TMEFF2: variants seen among roughly 807,000 people sequenced by gnomAD.
TMEFF2 encodes transmembrane protein with EGF like and two follistatin like domains 2.
TMEFF2 carries 28 observed loss-of-function variants against 53.8 expected under a neutral mutation model. That is an observed-to-expected ratio of 0.52 (90% CI 0.39 to 0.71). The LOEUF is 0.71. Ranked by LOEUF, TMEFF2 falls within the 30% of genes least tolerant of loss-of-function variation. The pLI, the probability that TMEFF2 is intolerant of heterozygous loss-of-function variation, is 0.00. For missense variants in TMEFF2, 353 were observed against 455.2 expected (o/e 0.78, Z 2.04); for synonymous variants, 162 against 166.3 (o/e 0.97, Z 0.20).
In TMEFF2 at chr2:192,180,025, T is replaced by C. The variant is rs78943117; in HGVS notation, c.413-331A>G. On this transcript the variant is annotated intron_variant, in intron 3 of 9. Coordinates refer to ENST00000272771, the MANE Select transcript of TMEFF2 (RefSeq NM_016192.4). ...GCAAAATAAAGTATTAAAAATGAGATGCTTGTAACAATCAGTAAGTTTCAG... is the reference window on the plus strand; with the variant it reads ...GCAAAATAAAGTATTAAAAATGAGACGCTTGTAACAATCAGTAAGTTTCAG... 9.6e-4 allele frequency among the ~76,000 whole-genome samples: 145 copies of C among 151,694 alleles called. 3 individuals carry two copies. In the East Asian group the frequency reaches 0.025, roughly 26 times the overall value.
At chr2:192,179,434 A>AAACAAATG (rs1691131633) in intron 4 of TMEFF2, 1 of 404,614 alleles carries the variant, frequency 2.5e-6, no homozygotes, top group Non-Finnish European at 4.5e-6. Context: ...ACAAACAAAC[A>AAACAAATG]AACAAATGAA....
intron 5 of TMEFF2, chr2:192,028,057 T>TGGG (rs56753899): frequency 1.8e-5 from 2 of 114,004 alleles, no homozygotes; most frequent in African/African-American, 6.1e-5. Context: ...GATTGAATTA[T>TGGG]GGGGGGGGGG....
Position 192,143,303 on chromosome 2 carries a change from A to G in TMEFF2, c.439+36365T>C, listed in dbSNP as rs16834241. ...GGCATTTGAAAGCTGCTCAAATTCT[A>G]CCCTGAAAGAGTGGTCTACTGCTCA... On this transcript the variant is annotated intron_variant, in intron 4 of 9. Coordinates refer to ENST00000272771, the MANE Select transcript of TMEFF2 (RefSeq NM_016192.4). Among the ~76,000 whole-genome samples, 1,148 of 152,274 alleles carry G rather than the reference A, an allele frequency of 7.5e-3. 10 individuals carry two copies. The highest frequency in any genetic ancestry group is 0.026 in the African/African-American group (1,095 of 41,556).
chr2:192,133,611 C>G (rs1689916750), intron 4 of TMEFF2, among the ~76,000 whole-genome samples: 1 of 152,162 alleles, frequency 6.6e-6, no homozygotes, highest in African/African-American at 2.4e-5. Flanking sequence ...AACCCATATA[C>G]TCTCCTATTC....
At chr2:192,156,507 C>G (rs995247359) in intron 4 of TMEFF2, among the ~76,000 whole-genome samples, 1 of 151,958 alleles carries the variant, frequency 6.6e-6, no homozygotes, top group Non-Finnish European at 1.5e-5. Context: ...ACAACAACCA[C>G]TCCACAATGC....
intron 2 of TMEFF2, among the ~76,000 whole-genome samples, chr2:192,186,549 A>G (rs1338375912): frequency 6.6e-6 from 1 of 152,144 alleles, no homozygotes; most frequent in Non-Finnish European, 1.5e-5. Flanking sequence ...GAGGAGAGAC[A>G]AGAAAGAAGG....
intron 2 of TMEFF2, among the ~76,000 whole-genome samples, chr2:192,191,367 T>G (rs966367364): frequency 1.3e-5 from 2 of 152,126 alleles, no homozygotes; most frequent in East Asian, 3.8e-4. Context: ...TGATATACAC[T>G]AATTAATAAG....
chr2:192,152,014 G>A (rs1690399899), intron 4 of TMEFF2, among the ~76,000 whole-genome samples: 1 of 151,852 alleles, frequency 6.6e-6, no homozygotes, highest in Non-Finnish European at 1.5e-5. Flanking sequence ...AGTATTCAGG[G>A]AGGAAGAGGG....
intron 4 of TMEFF2, among the ~76,000 whole-genome samples, chr2:192,128,153 T>G (rs201888064): frequency 0.083 from 3 of 36 alleles, no homozygotes; most frequent in Non-Finnish European, 0.21. Flanking sequence ...TCTGTCACAA[T>G]TTTTTTAAAA....
rs531343838 is a variant in TMEFF2 at position 192,057,610 on chromosome 2, G to T, written c.536+69C>A. 5.6e-5 allele frequency: 72 copies of T among 1,283,700 alleles called. No individual in the cohort carries two copies. The African/African-American group carries it at 1.0e-3, about 18-fold the overall frequency. The allele number at this position is 1,283,700 out of a possible 1,614,324, so 79.5% of individuals were successfully genotyped here. A position where few individuals can be genotyped will look rare whatever the true frequency, so the allele number is the denominator to read the frequency against. ...AGACAATGTCTTCTGTTGCAGAATGGTTGATGGTGTTAAAAAGAAATTAAT... is the reference window on the plus strand; with the variant it reads ...AGACAATGTCTTCTGTTGCAGAATGTTTGATGGTGTTAAAAAGAAATTAAT... On this transcript the variant is annotated intron_variant, in intron 5 of 9. Coordinates refer to ENST00000272771, the MANE Select transcript of TMEFF2 (RefSeq NM_016192.4).
At chr2:192,088,508 G>A (rs1298151086) in intron 4 of TMEFF2, among the ~76,000 whole-genome samples, 3 of 152,090 alleles carry the variant, frequency 2.0e-5, no homozygotes, top group Non-Finnish European at 1.5e-5. Context: ...CAGGGGAGTT[G>A]ACTTTAACAT....
intron 4 of TMEFF2, among the ~76,000 whole-genome samples, chr2:192,155,754 G>A (rs1056556166): frequency 6.6e-6 from 1 of 151,984 alleles, no homozygotes; most frequent in Non-Finnish European, 1.5e-5. Context: ...GAACTGCCAA[G>A]ACCCATGAAA....
At chr2:192,168,832 T>G (rs947965429) in intron 4 of TMEFF2, among the ~76,000 whole-genome samples, 1 of 152,118 alleles carries the variant, frequency 6.6e-6, no homozygotes, top group African/African-American at 2.4e-5. Flanking sequence ...TAAATTTTAT[T>G]TTTTTGTTTA....
intron 7 of TMEFF2, among the ~76,000 whole-genome samples, chr2:191,997,331 AGATCTCTATATT>A (rs1188218044): frequency 5.9e-4 from 88 of 148,866 alleles, no homozygotes; most frequent in Non-Finnish European, 7.2e-4. Flanking sequence ...AAGAGATTTC[AGATCTCTATATT>A]AACTAATTTT....
chr2:192,177,424 T>C (rs1300758598), intron 4 of TMEFF2: 2 of 150,542 alleles, frequency 1.3e-5, no homozygotes, highest in African/African-American at 4.9e-5. Flanking sequence ...TTAAAACTAA[T>C]AGTCTTACAG....
chr2:191,996,135 CTT>C (rs1304716499), intron 7 of TMEFF2, among the ~76,000 whole-genome samples: 1 of 151,890 alleles, frequency 6.6e-6, no homozygotes, highest in Non-Finnish European at 1.5e-5. Context: ...TATCAAATCT[CTT>C]TGAAATGGGC....
intron 4 of TMEFF2, among the ~76,000 whole-genome samples, chr2:192,058,949 AAT>A (rs1425902728): frequency 2.0e-5 from 3 of 151,524 alleles, no homozygotes; most frequent in Non-Finnish European, 4.4e-5. Flanking sequence ...ATTTAGTTTT[AAT>A]ATGTTATTTT....
chr2:191,958,425 A>G (rs559143029), intron 7 of TMEFF2, among the ~76,000 whole-genome samples: 3 of 152,240 alleles, frequency 2.0e-5, no homozygotes, highest in East Asian at 3.9e-4. Context: ...TATTAGGACT[A>G]TTTTTCTTTC....
rs566748405 is a variant in TMEFF2, at chr2:192,079,174, AG to A, written c.440-21400del. Among the ~76,000 whole-genome samples the A allele has an allele frequency of 1.2e-3, 180 of 152,330 alleles. 2 individuals carry two copies. The highest frequency in any genetic ancestry group is 7.0e-3 in the East Asian group (36 of 5,170). Reference sequence around the variant, plus strand: ...AAAAATTGAGCACAGTGAGGGCTTTAGGGTCAGCCCATTTTTGCCCAATATG... The same window carrying A: ...AAAAATTGAGCACAGTGAGGGCTTTAGGTCAGCCCATTTTTGCCCAATATG... On this transcript the variant is annotated intron_variant, in intron 4 of 9. Transcript: ENST00000272771.
Sources: allele counts gnomAD v4.1 joint callset (sites outside exome capture counted in the v4.1 genomes callset), GRCh38; gene constraint gnomAD v4.1.1; transcripts MANE v1.5; gene names NCBI Gene and HGNC (gene_info 2026-07-23, HGNC 2026-07-21).